Variants in PPP1R1C observed in about 807,000 individuals in gnomAD.
PPP1R1C encodes protein phosphatase 1 regulatory subunit 1C.
PPP1R1C carries 15 observed loss-of-function variants against 17.4 expected under a neutral mutation model. The observed-to-expected ratio is 0.86, with a 90% CI of 0.58 to 1.33. The LOEUF is 1.33. PPP1R1C is among the 40% of genes most tolerant of loss of function. The pLI is 0.00. For synonymous variants in PPP1R1C, 35 were observed against 43.1 expected, an observed-to-expected ratio of 0.81 and a Z score of 0.73; for missense variants, 143 against 130.0, an observed-to-expected ratio of 1.10 and a Z score of -0.48.
intron 5 of PPP1R1C, among the ~76,000 whole-genome samples, chr2:182,125,539 G>A (rs148823169): frequency 0.015 from 2,281 of 152,062 alleles, 34 homozygotes; most frequent in South Asian, 0.059. Flanking sequence ...GGGCTTTTTG[G>A]TTGGTAGGGT....
At chr2:182,053,192 T>C (rs932101793) in intron 2 of PPP1R1C, among the ~76,000 whole-genome samples, 1 of 152,220 alleles carries the variant, frequency 6.6e-6, no homozygotes, top group Non-Finnish European at 1.5e-5. Flanking sequence ...GAAACAATTG[T>C]CTGCAGTTTC....
At chr2:181,996,702 C>T (rs975961568) in intron 2 of PPP1R1C, among the ~76,000 whole-genome samples, 1 of 152,122 alleles carries the variant, frequency 6.6e-6, no homozygotes, top group Non-Finnish European at 1.5e-5. Flanking sequence ...TATAATCTTT[C>T]ATGTTTTTTT....
chr2:181,966,942 C>T (rs931554998), intron 1 of PPP1R1C, among the ~76,000 whole-genome samples: 1 of 152,090 alleles, frequency 6.6e-6, no homozygotes, highest in African/African-American at 2.4e-5. Flanking sequence ...GGGTGCTTGG[C>T]TTTTCCTTAC....
At chr2:182,016,883 C>T (rs906987787) in intron 2 of PPP1R1C, among the ~76,000 whole-genome samples, 8 of 152,102 alleles carry the variant, frequency 5.3e-5, no homozygotes, top group Non-Finnish European at 8.8e-5. Context: ...AGTTTTATGT[C>T]GTTTTTATAG....
rs980364098 is a variant in PPP1R1C, at chr2:182,093,168, G to A, written c.242-24039G>A. On this transcript the variant is annotated intron_variant, in intron 4 of 4. Coordinates refer to ENST00000682840, the MANE Select transcript of PPP1R1C (RefSeq NM_001080545.3). The stretch of plus-strand genomic sequence containing the variant: ...TCCCAAACCACAATTCTTGACTTCT[G>A]TACACTATCAGGCTCAACACCATGT... Among the ~76,000 whole-genome samples the A allele has an allele frequency of 1.4e-4, 21 of 152,142 alleles. 1 individual carries two copies. The highest frequency in any genetic ancestry group is 5.1e-4 in the African/African-American group (21 of 41,432).
At chr2:182,126,860 A>G (rs1689887114) in intron 5 of PPP1R1C, among the ~76,000 whole-genome samples, 1 of 152,064 alleles carries the variant, frequency 6.6e-6, no homozygotes, top group Non-Finnish European at 1.5e-5. Context: ...AAAAGTAGGT[A>G]AAGGAGGGAA....
At chr2:182,106,439 C>A (rs897713181) in intron 4 of PPP1R1C, among the ~76,000 whole-genome samples, 6 of 152,292 alleles carry the variant, frequency 3.9e-5, no homozygotes, top group Non-Finnish European at 7.3e-5. Context: ...GATGTGGACA[C>A]CAAGGGGAAT....
At chr2:182,022,620 T>C (rs976053235) in intron 2 of PPP1R1C, among the ~76,000 whole-genome samples, 1 of 152,224 alleles carries the variant, frequency 6.6e-6, no homozygotes, top group African/African-American at 2.4e-5. Context: ...TGATTAAAGG[T>C]GATTTCTATA....
At chr2:182,001,590 G>C (rs1685769380) in intron 2 of PPP1R1C, among the ~76,000 whole-genome samples, 1 of 152,014 alleles carries the variant, frequency 6.6e-6, no homozygotes, top group Non-Finnish European at 1.5e-5. Flanking sequence ...CAGATAAATA[G>C]GGGCTAGGTT....
At chr2:182,010,735 T>C (rs1045345363) in intron 2 of PPP1R1C, among the ~76,000 whole-genome samples, 1 of 152,078 alleles carries the variant, frequency 6.6e-6, no homozygotes, top group Non-Finnish European at 1.5e-5. Context: ...TTTTCCCCCA[T>C]TCAGTATGAT....
At chr2:181,980,611 T>G (rs1000235047) in intron 2 of PPP1R1C, among the ~76,000 whole-genome samples, 2 of 152,226 alleles carry the variant, frequency 1.3e-5, no homozygotes, top group Non-Finnish European at 2.9e-5. Context: ...TGATGTCAAC[T>G]CACTGCTATA....
chr2:182,041,609 CAA>C (rs71405472), intron 2 of PPP1R1C, among the ~76,000 whole-genome samples: 23 of 58,456 alleles, frequency 3.9e-4, no homozygotes, highest in East Asian at 5.4e-4. Flanking sequence ...GACTCTGTCT[CAA>C]AAAAAAAAAA....
intron 4 of PPP1R1C, among the ~76,000 whole-genome samples, chr2:182,099,453 G>A (rs1689037870): frequency 6.6e-6 from 1 of 152,154 alleles, no homozygotes; most frequent in African/African-American, 2.4e-5. Flanking sequence ...TCATGGGAAC[G>A]CTGAGGTAAG....
intron 1 of PPP1R1C, among the ~76,000 whole-genome samples, chr2:181,964,580 C>T (rs1314524556): frequency 6.6e-6 from 1 of 152,182 alleles, no homozygotes; most frequent in Non-Finnish European, 1.5e-5. Flanking sequence ...TTTACATTCC[C>T]ACCAATGGGG....
intron 4 of PPP1R1C, among the ~76,000 whole-genome samples, chr2:182,095,182 C>T (rs894813275): frequency 6.6e-6 from 1 of 151,928 alleles, no homozygotes; most frequent in Non-Finnish European, 1.5e-5. Flanking sequence ...ACCTGTAGTC[C>T]CAGCTGCTGT....
intron 4 of PPP1R1C, among the ~76,000 whole-genome samples, chr2:182,115,797 T>G (rs1253489205): frequency 6.6e-5 from 10 of 152,210 alleles, no homozygotes; most frequent in Admixed American, 3.3e-4. Context: ...AATAGCATTC[T>G]GAGGCTTGCT....
Position 181,992,178 on chromosome 2 carries a change from A to C in PPP1R1C, c.142+4279A>C, listed in dbSNP as rs1685494031. Reference sequence around the variant, plus strand: ...TATATACCTCAGAGAAGAATCCATAATTAACCGGGCTTTTCAACTCCAGCT... The same window carrying C: ...TATATACCTCAGAGAAGAATCCATACTTAACCGGGCTTTTCAACTCCAGCT... On this transcript the variant is annotated intron_variant, in intron 2 of 4. Coordinates refer to ENST00000682840, the MANE Select transcript of PPP1R1C (RefSeq NM_001080545.3). Among the ~76,000 whole-genome samples, 2 of 150,132 alleles carry C rather than the reference A, an allele frequency of 1.3e-5. 1 individual carries two copies. The highest frequency in any genetic ancestry group is 3.0e-5 in the Non-Finnish European group (2 of 67,320).
chr2:182,045,292 A>G (rs1687309770), intron 2 of PPP1R1C, among the ~76,000 whole-genome samples: 1 of 152,184 alleles, frequency 6.6e-6, no homozygotes, highest in African/African-American at 2.4e-5. Context: ...TTTTTGAGGC[A>G]TGTTATTTAG....
At chr2:182,073,858 C>T (rs1173828010) in intron 4 of PPP1R1C, among the ~76,000 whole-genome samples, 1 of 152,092 alleles carries the variant, frequency 6.6e-6, no homozygotes, top group Non-Finnish European at 1.5e-5. Context: ...AAACACTGAA[C>T]AGATGCAGGG....
Sources: allele counts gnomAD v4.1 joint callset (sites outside exome capture counted in the v4.1 genomes callset), GRCh38; gene constraint gnomAD v4.1.1; transcripts MANE v1.5; gene names NCBI Gene and HGNC (gene_info 2026-07-23, HGNC 2026-07-21).